LOC728743: variants seen among roughly 807,000 people sequenced by gnomAD.
the LOC728743 span, chr7:150,405,105 G>C: frequency 2.6e-5 from 4 of 152,260 alleles, no homozygotes; most frequent in Non-Finnish European, 4.4e-5. Context: ...GGGCTTGAGA[G>C]GGCCCGCTCC....
chr7:150,406,426 G>C, the LOC728743 span, among the ~76,000 whole-genome samples: 14 of 152,166 alleles, frequency 9.2e-5, no homozygotes, highest in Admixed American at 9.2e-4. Context: ...GTGACGGCTG[G>C]GATGGTGGCA....
the LOC728743 span, among the ~76,000 whole-genome samples, chr7:150,407,158 C>G: frequency 8.5e-5 from 13 of 152,300 alleles, no homozygotes; most frequent in South Asian, 4.1e-4. Context: ...CACCATCTGT[C>G]TAGTGTCTTG....
At chr7:150,401,693 G>A in the LOC728743 span, among the ~76,000 whole-genome samples, 1 of 152,324 alleles carries the variant, frequency 6.6e-6, no homozygotes, top group East Asian at 1.9e-4. Flanking sequence ...TCCTAAACAG[G>A]CTGTTCAACA....
At chr7:150,409,143 GA>G in the LOC728743 span, among the ~76,000 whole-genome samples, 37,662 of 144,018 alleles carry the variant, frequency 0.26, 5,803 homozygotes, top group South Asian at 0.38. Flanking sequence ...GTTTTCAAGG[GA>G]GGGGGGGTCC....
chr7:150,408,164 C>T, the LOC728743 span: 1 of 391,874 alleles, frequency 2.6e-6, no homozygotes, highest in Admixed American at 4.4e-5. Flanking sequence ...CAAGACCCAT[C>T]AGCGCAGCCA....
At chr7:150,408,450 C>G in the LOC728743 span, 1 of 342,570 alleles carries the variant, frequency 2.9e-6, no homozygotes, top group East Asian at 4.5e-5. Flanking sequence ...CCGGCTCCTG[C>G]CATGGTTCTC....
the LOC728743 span, among the ~76,000 whole-genome samples, chr7:150,404,046 C>T: frequency 6.6e-6 from 1 of 152,236 alleles, no homozygotes; most frequent in South Asian, 2.1e-4. Flanking sequence ...GGGAGGCCCG[C>T]ATCTCTCAAT....
the LOC728743 span, among the ~76,000 whole-genome samples, chr7:150,401,728 C>A: frequency 1.1e-4 from 16 of 152,104 alleles, no homozygotes; most frequent in Admixed American, 5.9e-4. Context: ...ATGATGACAG[C>A]GCTCTATTTC....
chr7:150,409,144 A>G, the LOC728743 span, among the ~76,000 whole-genome samples: 98,602 of 124,874 alleles, frequency 0.79, 36,265 homozygotes, highest in Middle Eastern at 0.81. Flanking sequence ...TTTTCAAGGG[A>G]GGGGGGGTCC....
At chr7:150,406,592 T>G in the LOC728743 span, among the ~76,000 whole-genome samples, 1 of 152,230 alleles carries the variant, frequency 6.6e-6, no homozygotes, top group Non-Finnish European at 1.5e-5. Flanking sequence ...TGAGCCTCAG[T>G]TTCCCCATCT....
chr7:150,406,892 TAAAC>T, the LOC728743 span, among the ~76,000 whole-genome samples: 1 of 152,226 alleles, frequency 6.6e-6, no homozygotes, highest in Non-Finnish European at 1.5e-5. Context: ...CTCATTTTGA[TAAAC>T]AAAGAGCTGC....
chr7:150,404,408 C>T, the LOC728743 span: 1 of 152,148 alleles, frequency 6.6e-6, no homozygotes, highest in Non-Finnish European at 1.5e-5. Flanking sequence ...GTGCCGTGTT[C>T]CCGTCTGTGC....
the LOC728743 span, among the ~76,000 whole-genome samples, chr7:150,406,090 GAA>G: frequency 6.6e-6 from 1 of 152,180 alleles, no homozygotes; most frequent in South Asian, 2.1e-4. Context: ...GCTGCCTGTG[GAA>G]AAGACTTGTG....
the LOC728743 span, among the ~76,000 whole-genome samples, chr7:150,403,858 G>A: frequency 1.3e-5 from 2 of 152,194 alleles, no homozygotes; most frequent in Admixed American, 6.5e-5. The surrounding 1 kb of genome is among the most constrained non-coding windows in gnomAD (Gnocchi z 5.1). Context: ...GGCCTGGTGG[G>A]GCAGACTGGT....
chr7:150,411,814 C>T, the LOC728743 span: 1 of 152,534 alleles, frequency 6.6e-6, no homozygotes, highest in Non-Finnish European at 1.5e-5. Flanking sequence ...AGTTTGTGTC[C>T]CCCTCTGCCC....
the LOC728743 span, among the ~76,000 whole-genome samples, chr7:150,409,227 T>G: frequency 1.4e-5 from 2 of 141,040 alleles, no homozygotes; most frequent in Admixed American, 7.1e-5. Context: ...GGTCAGGGGG[T>G]GGGGACACTG....
chr7:150,405,693 T>C, the LOC728743 span: 1 of 151,640 alleles, frequency 6.6e-6, no homozygotes, highest in Non-Finnish European at 1.5e-5. Context: ...GGCAAGGTTG[T>C]GTGTAAGGTC....
chr7:150,404,724 G>C, the LOC728743 span: 2 of 152,544 alleles, frequency 1.3e-5, no homozygotes, highest in African/African-American at 4.8e-5. Flanking sequence ...GTTCCGTTCT[G>C]AGGAGGTGGG....
the LOC728743 span, chr7:150,405,303 G>C: frequency 6.6e-6 from 1 of 152,284 alleles, no homozygotes; most frequent in South Asian, 2.1e-4. Context: ...CGGAAGGCTC[G>C]GGAGGCGGCG....
Sources: gnomAD v4.1 joint callset for allele counts (sites outside exome capture counted in the v4.1 genomes callset) on GRCh38, gnomAD v4.1.1 for gene constraint, Gnocchi (gnomAD v3.1) non-coding constraint, MANE v1.5 for transcripts.